Variants in CLSTN2 observed in about 807,000 individuals in gnomAD.
CLSTN2 encodes the protein calsyntenin 2.
CLSTN2 carries 48 observed loss-of-function variants against 101.2 expected under a neutral mutation model. The observed-to-expected ratio is 0.47, with a 90% CI of 0.38 to 0.60. CLSTN2 has a LOEUF of 0.60. Among genes scored for constraint, CLSTN2 ranks in the 20% least tolerant of loss-of-function variants. The probability of loss-of-function intolerance (pLI) is 0.00; values close to 1 mark genes in which losing one functional copy is unlikely to be tolerated. For missense variants in CLSTN2, 1,160 were observed against 1,238.2 expected (o/e 0.94, Z 0.95); for synonymous variants, 481 against 463.6 (o/e 1.04, Z -0.48).
chr3:140,404,566 T>A lies in CLSTN2; in HGVS notation c.437T>A (p.Val146Asp). Residue 146 changes from valine to aspartate, a missense_variant, in exon 4 of 17, where the codon GTC (valine) becomes GAC (aspartate). Val to Asp is a radical substitution (Grantham distance 152). Coordinates refer to ENST00000458420, the MANE Select transcript of CLSTN2 (RefSeq NM_022131.3). Reference protein sequence around the residue: ...TAWKKSHKAVVHIQVKDVNEF... With the variant: ...TAWKKSHKAVDHIQVKDVNEF... ...TCTGTGTGTGGTCCCAGGGCCGTGGTCCATATACAGGTGAAGGATGTCAAC... is the reference window on the plus strand; with the variant it reads ...TCTGTGTGTGGTCCCAGGGCCGTGGACCATATACAGGTGAAGGATGTCAAC... 1 of 1,614,100 alleles carries A rather than the reference T, an allele frequency of 6.2e-7. No homozygotes were observed. The highest frequency in any genetic ancestry group is 8.5e-7 in the Non-Finnish European group (1 of 1,179,976).
intron 2 of CLSTN2, among the ~76,000 whole-genome samples, chr3:140,226,328 G>T (rs2086319885): frequency 6.6e-6 from 1 of 152,196 alleles, no homozygotes; most frequent in Non-Finnish European, 1.5e-5. Flanking sequence ...TCCTGGTTGT[G>T]ATATTGTGCT....
At chr3:140,057,015 T>C (rs2008109892) in intron 1 of CLSTN2, among the ~76,000 whole-genome samples, 1 of 152,176 alleles carries the variant, frequency 6.6e-6, no homozygotes, top group Non-Finnish European at 1.5e-5. Flanking sequence ...CACAGGGATT[T>C]CTCACGCCCT....
At chr3:140,476,422 G>T (rs1330970864) in intron 8 of CLSTN2, among the ~76,000 whole-genome samples, 1 of 152,184 alleles carries the variant, frequency 6.6e-6, no homozygotes, top group African/African-American at 2.4e-5. Flanking sequence ...ACATAGCAAG[G>T]TGCTTTCCAC....
At chr3:140,207,461 C>A (rs2010798185) in intron 2 of CLSTN2, among the ~76,000 whole-genome samples, 1 of 152,156 alleles carries the variant, frequency 6.6e-6, no homozygotes, top group Non-Finnish European at 1.5e-5. Flanking sequence ...ACCCTTTTGT[C>A]TTTCAGTGTC....
intron 9 of CLSTN2, among the ~76,000 whole-genome samples, chr3:140,540,396 C>T (rs1935451844): frequency 6.6e-6 from 1 of 152,292 alleles, no homozygotes; most frequent in African/African-American, 2.4e-5. Flanking sequence ...GAGCATCCCC[C>T]GGGATTGTGT....
intron 2 of CLSTN2, among the ~76,000 whole-genome samples, chr3:140,385,317 G>C (rs1158689765): frequency 6.9e-6 from 1 of 144,038 alleles, no homozygotes; most frequent in Non-Finnish European, 1.5e-5. Flanking sequence ...CAAAAGATTA[G>C]AAATTTGGCT....
At chr3:140,485,130 G>A (rs145288650) in intron 8 of CLSTN2, among the ~76,000 whole-genome samples, 2,411 of 152,292 alleles carry the variant, frequency 0.016, 52 homozygotes, top group African/African-American at 0.054. Flanking sequence ...ACGTACAGAT[G>A]GGATTTTGGT....
At chr3:140,528,852 A>C (rs1453883868) in intron 8 of CLSTN2, among the ~76,000 whole-genome samples, 2 of 152,186 alleles carry the variant, frequency 1.3e-5, no homozygotes, top group Non-Finnish European at 2.9e-5. Context: ...ATTACATTTG[A>C]AGATTTTGTG....
intron 1 of CLSTN2, among the ~76,000 whole-genome samples, chr3:140,090,548 T>C (rs797004515): frequency 5.9e-5 from 9 of 152,240 alleles, no homozygotes; most frequent in African/African-American, 2.2e-4. Context: ...CTTAATGCTG[T>C]CTAGTGTATG....
chr3:140,408,308 C>T (rs1399148820), intron 4 of CLSTN2, among the ~76,000 whole-genome samples: 1 of 152,170 alleles, frequency 6.6e-6, no homozygotes, highest in Non-Finnish European at 1.5e-5. Flanking sequence ...AATTTCACCC[C>T]ACCCCATATA....
Position 140,563,087 on chromosome 3 carries a change from T to A in CLSTN2, c.2366T>A (p.Ile789Asn). ...TSNEFNLEVS[I>N]LHEDQVSDKE... ...TCTCCCCACTCTTCCCAGGTCAGCA[T>A]CCTTCATGAAGACCAAGTCTCAGAT... Residue 789 changes from isoleucine to asparagine, a missense_variant, in exon 15 of 17, where the codon ATC (isoleucine) becomes AAC (asparagine). By Grantham distance (149) the Ile-to-Asn change is moderately radical. Transcript: ENST00000458420. The A allele has an allele frequency of 6.2e-7, 1 of 1,614,122 alleles. No individual in the cohort carries two copies. The highest frequency in any genetic ancestry group is 8.5e-7 in the Non-Finnish European group (1 of 1,179,996).
At chr3:140,402,296 T>C (rs2088251446) in intron 2 of CLSTN2, among the ~76,000 whole-genome samples, 1 of 152,116 alleles carries the variant, frequency 6.6e-6, no homozygotes, top group Non-Finnish European at 1.5e-5. Context: ...TTGGAGATGG[T>C]GTGGTGGGAT....
In CLSTN2 at chr3:140,551,790, T is replaced by G. The variant is rs1935708797; in HGVS notation, c.1675-4723T>G. Reference sequence around the variant, plus strand: ...GATGTTGTAAGAATTTAATTATACATCTAAATTATATATTACATATAAATA... The same window carrying G: ...GATGTTGTAAGAATTTAATTATACAGCTAAATTATATATTACATATAAATA... On this transcript the variant is annotated intron_variant, in intron 10 of 16. Coordinates refer to ENST00000458420, the MANE Select transcript of CLSTN2 (RefSeq NM_022131.3). Among the ~76,000 whole-genome samples, 3 of 149,146 alleles carry G rather than the reference T, an allele frequency of 2.0e-5. No homozygotes were observed. In the South Asian group the frequency reaches 6.3e-4, roughly 31 times the overall value.
intron 1 of CLSTN2, among the ~76,000 whole-genome samples, chr3:140,165,527 G>A (rs1354537645): frequency 6.6e-6 from 1 of 152,162 alleles, no homozygotes; most frequent in East Asian, 1.9e-4. Context: ...ACAGTACAGG[G>A]TGACGGGAGA....
chr3:140,549,137 GA>G (rs1364633659), intron 10 of CLSTN2, among the ~76,000 whole-genome samples: 2 of 130,424 alleles, frequency 1.5e-5, no homozygotes, highest in East Asian at 4.1e-4. Context: ...CTCTTTTTCT[GA>G]TTCTAAATTT....
chr3:140,342,906 C>T (rs2087506205), intron 2 of CLSTN2, among the ~76,000 whole-genome samples: 1 of 152,106 alleles, frequency 6.6e-6, no homozygotes. Flanking sequence ...GTCTCAGGGC[C>T]CCAAAGGCTA....
At chr3:140,427,199 A>G (rs9862995) in intron 5 of CLSTN2, among the ~76,000 whole-genome samples, 14 of 74,908 alleles carry the variant, frequency 1.9e-4, no homozygotes, top group South Asian at 1.2e-3. Flanking sequence ...ATATATATAT[A>G]TATATGTGTA....
At chr3:139,939,125 G>A (rs1178621338) in intron 1 of CLSTN2, among the ~76,000 whole-genome samples, 1 of 152,136 alleles carries the variant, frequency 6.6e-6, no homozygotes, top group Non-Finnish European at 1.5e-5. Flanking sequence ...CAGAGACAAA[G>A]TTTACAAAAG....
At chr3:140,279,097 G>A (rs891729266) in intron 2 of CLSTN2, among the ~76,000 whole-genome samples, 3 of 152,208 alleles carry the variant, frequency 2.0e-5, no homozygotes, top group African/African-American at 7.2e-5. Context: ...CATGCAGCAA[G>A]TATATTTGTG....
Sources: allele counts gnomAD v4.1 joint callset (sites outside exome capture counted in the v4.1 genomes callset), GRCh38; gene constraint gnomAD v4.1.1; transcripts MANE v1.5; gene names NCBI Gene and HGNC (gene_info 2026-07-23, HGNC 2026-07-21).